Variants in GALNT17 observed in about 807,000 individuals in gnomAD.
GALNT17 encodes UDP-GalNAc:polypeptide N-acetylgalactosaminyltransferase-like 3.
Under a neutral mutation model 63.7 loss-of-function variants are expected in GALNT17, and 29 were observed. That is an observed-to-expected ratio of 0.46 (90% CI 0.34 to 0.62). GALNT17 has a LOEUF of 0.62. Among genes scored for constraint, GALNT17 ranks in the 20% least tolerant of loss-of-function variants. The pLI, the probability that GALNT17 is intolerant of heterozygous loss-of-function variation, is 0.01. For synonymous variants in GALNT17, 305 were observed against 318.3 expected (o/e 0.96, Z 0.45); for missense variants, 603 against 799.6 (o/e 0.75, Z 2.97).
In GALNT17 at chr7:71,168,372, G is replaced by T. The variant is rs1788484025; in HGVS notation, c.238+35332G>T. On this transcript the variant is annotated intron_variant, in intron 1 of 10. Transcript: ENST00000333538. ...GTGGATCACGAGGTCAGGATTTCAA[G>T]ACCAGGCTGGCCAACATGGTGAAGC... Among the ~76,000 whole-genome samples the T allele has an allele frequency of 2.0e-5, 3 of 152,104 alleles. No homozygotes were observed. The South Asian group carries it at 6.2e-4, about 32-fold the overall frequency.
At chr7:71,353,525 T>G (rs907362315) in intron 2 of GALNT17, among the ~76,000 whole-genome samples, 3 of 152,236 alleles carry the variant, frequency 2.0e-5, no homozygotes, top group Non-Finnish European at 4.4e-5. Context: ...TTCATGACAT[T>G]GACATTTTTG....
rs528659352 is a variant in GALNT17 at position 71,169,207 on chromosome 7, C to T, written c.238+36167C>T. Among the ~76,000 whole-genome samples the T allele has an allele frequency of 5.3e-5, 8 of 152,274 alleles. No individual in the cohort carries two copies. The South Asian group carries it at 6.2e-4, about 12-fold the overall frequency. ...TATTAGGTTGTTGCAAAAGTAATTA[C>T]GATTTTTGCACCCACCTAATAGCTG... On this transcript the variant is annotated intron_variant, in intron 1 of 10. Coordinates refer to ENST00000333538, the MANE Select transcript of GALNT17 (RefSeq NM_022479.3).
At chr7:71,160,033 C>A (rs1478785339) in intron 1 of GALNT17, among the ~76,000 whole-genome samples, 1 of 152,080 alleles carries the variant, frequency 6.6e-6, no homozygotes, top group Non-Finnish European at 1.5e-5. Flanking sequence ...GATCTGCCCA[C>A]CTTGGCCTCC....
chr7:71,369,346 A>G (rs935063476), intron 2 of GALNT17, among the ~76,000 whole-genome samples: 1 of 152,264 alleles, frequency 6.6e-6, no homozygotes, highest in East Asian at 1.9e-4. Flanking sequence ...GGAGAGATTT[A>G]TTGTTGCTAC....
chr7:71,147,439 A>G (rs1282622427), intron 1 of GALNT17, among the ~76,000 whole-genome samples: 1 of 152,130 alleles, frequency 6.6e-6, no homozygotes, highest in African/African-American at 2.4e-5. Context: ...AGCTGATTAG[A>G]TGGTGCCCAT....
In GALNT17 at chr7:71,566,311, C is replaced by T. The variant is rs114557360; in HGVS notation, c.963-4974C>T. On this transcript the variant is annotated intron_variant, in intron 5 of 10. Coordinates refer to ENST00000333538, the MANE Select transcript of GALNT17 (RefSeq NM_022479.3). The stretch of plus-strand genomic sequence containing the variant: ...GCTTTGGGAGAGTTTGTGGCCTGGG[C>T]GCTTTCTGTGATTTTAACTACCCTG... 1.4e-3 allele frequency among the ~76,000 whole-genome samples: 219 copies of T among 152,192 alleles called. 1 individual carries two copies. Among genetic ancestry groups the T allele is most frequent in the Middle Eastern group, 6.8e-3 (2 of 294 alleles).
At chr7:71,137,029 C>A (rs1259153710) in intron 1 of GALNT17, among the ~76,000 whole-genome samples, 3 of 149,806 alleles carry the variant, frequency 2.0e-5, no homozygotes, top group African/African-American at 7.4e-5. Context: ...CCCCCACCCC[C>A]TTTTCACCCC....
At chr7:71,137,752 G>A (rs996833183) in intron 1 of GALNT17, among the ~76,000 whole-genome samples, 2 of 152,206 alleles carry the variant, frequency 1.3e-5, no homozygotes, top group African/African-American at 4.8e-5. Context: ...CCTCGGAAGT[G>A]AGCCAGGTTA....
At chr7:71,162,144 C>CCTTCCTTT (rs1788359539) in intron 1 of GALNT17, among the ~76,000 whole-genome samples, 33 of 130,396 alleles carry the variant, frequency 2.5e-4, no homozygotes, top group African/African-American at 4.6e-4. Flanking sequence ...TTCCTTCCTT[C>CCTTCCTTT]CTTCCTTCCT....
intron 6 of GALNT17, among the ~76,000 whole-genome samples, chr7:71,646,747 C>CTTTTT (rs60956531): frequency 3.1e-5 from 4 of 128,106 alleles, no homozygotes; most frequent in African/African-American, 6.0e-5. Context: ...TCCAAGTTTC[C>CTTTTT]TTTTTTTTTT....
chr7:71,536,896 TA>T (rs1347437039), intron 5 of GALNT17, among the ~76,000 whole-genome samples: 2 of 152,208 alleles, frequency 1.3e-5, no homozygotes, highest in African/African-American at 4.8e-5. Flanking sequence ...GCCACATAGT[TA>T]ACCCTATCTC....
At chr7:71,274,895 C>T (rs1313069656) in intron 1 of GALNT17, among the ~76,000 whole-genome samples, 2 of 152,150 alleles carry the variant, frequency 1.3e-5, no homozygotes, top group African/African-American at 4.8e-5. Flanking sequence ...AATAGTTATC[C>T]TGCCAACAAC....
At chr7:71,310,479 G>C (rs760085892) in intron 1 of GALNT17, among the ~76,000 whole-genome samples, 1 of 152,174 alleles carries the variant, frequency 6.6e-6, no homozygotes, top group Non-Finnish European at 1.5e-5. Flanking sequence ...TTGTGCAAAA[G>C]TAATTGTTTT....
At chr7:71,305,501 AGTT>A (rs1017479912) in intron 1 of GALNT17, among the ~76,000 whole-genome samples, 8 of 152,222 alleles carry the variant, frequency 5.3e-5, no homozygotes, top group African/African-American at 1.4e-4. Context: ...AATTGTTAGC[AGTT>A]GTTCTTAAAA....
chr7:71,360,869 C>G (rs1404713960), intron 2 of GALNT17, among the ~76,000 whole-genome samples: 1 of 152,154 alleles, frequency 6.6e-6, no homozygotes, highest in Non-Finnish European at 1.5e-5. Flanking sequence ...ACCCGGGAGG[C>G]GGAGGTTGCA....
At position 71,494,090 on chromosome 7, in the gene GALNT17, G is replaced by A. The variant is rs565176979; in HGVS notation, c.962+72985G>A. On this transcript the variant is annotated intron_variant, in intron 5 of 10. Coordinates refer to ENST00000333538, the MANE Select transcript of GALNT17 (RefSeq NM_022479.3). ...TTGACTCACAGTTCCACTTGGCTGGGGAGGCCTCAGGAAACTTATGATCAT... is the reference window on the plus strand; with the variant it reads ...TTGACTCACAGTTCCACTTGGCTGGAGAGGCCTCAGGAAACTTATGATCAT... Among the ~76,000 whole-genome samples, 34 of 152,218 alleles carry A rather than the reference G, an allele frequency of 2.2e-4. No homozygotes were observed. In the South Asian group the frequency reaches 7.0e-3, roughly 32 times the overall value.
chr7:71,301,061 G>A (rs1463103475), intron 1 of GALNT17: 1 of 152,126 alleles, frequency 6.6e-6, no homozygotes, highest in African/African-American at 2.4e-5. Context: ...GCAGAGGTGG[G>A]AGGATCCCTT....
At chr7:71,180,000 T>G (rs1788706606) in intron 1 of GALNT17, among the ~76,000 whole-genome samples, 1 of 152,244 alleles carries the variant, frequency 6.6e-6, no homozygotes, top group Non-Finnish European at 1.5e-5. Flanking sequence ...TTTTGTTGTT[T>G]AAATAGCTTT....
intron 1 of GALNT17, among the ~76,000 whole-genome samples, chr7:71,182,843 G>C (rs1021344885): frequency 2.6e-5 from 4 of 152,156 alleles, no homozygotes; most frequent in African/African-American, 9.7e-5. Context: ...GGGCACTCTG[G>C]TCATCTTGCC....
Sources: allele counts gnomAD v4.1 joint callset (sites outside exome capture counted in the v4.1 genomes callset), GRCh38; gene constraint gnomAD v4.1.1; transcripts MANE v1.5; gene names NCBI Gene and HGNC (gene_info 2026-07-23, HGNC 2026-07-21).